Variants in UBE3D observed in about 807,000 individuals in gnomAD.
UBE3D encodes ubiquitin protein ligase E3D, also known as E3 ubiquitin-protein ligase E3D.
In UBE3D, 48 loss-of-function variants were observed where a neutral mutation model predicts 49.6. The ratio of observed to expected loss-of-function variants is 0.97; its 90% CI spans 0.77 to 1.23. UBE3D has a LOEUF of 1.23. Among genes scored for constraint, UBE3D ranks in the 50% most tolerant of loss-of-function variants. The pLI is 0.00. For synonymous variants in UBE3D, 189 were observed against 174.2 expected, an observed-to-expected ratio of 1.08 and a Z score of -0.67; for missense variants, 452 against 468.4, an observed-to-expected ratio of 0.96 and a Z score of 0.32.
intron 8 of UBE3D, among the ~76,000 whole-genome samples, chr6:83,006,477 C>T (rs1325428843): frequency 3.9e-5 from 6 of 152,116 alleles, no homozygotes; most frequent in Admixed American, 2.6e-4. Flanking sequence ...GGAAGAGACA[C>T]AGGAGATCTC....
intron 8 of UBE3D, among the ~76,000 whole-genome samples, chr6:82,974,609 GATGAGGAA>G (rs933636353): frequency 4.6e-5 from 7 of 151,764 alleles, no homozygotes; most frequent in Admixed American, 3.9e-4. Flanking sequence ...TTAATCCTCT[GATGAGGAA>G]ACTATGGATA....
intron 4 of UBE3D, among the ~76,000 whole-genome samples, chr6:83,039,726 C>A (rs569275077): frequency 6.6e-6 from 1 of 152,176 alleles, no homozygotes; most frequent in South Asian, 2.1e-4. Flanking sequence ...CTCACTGCAA[C>A]CTCCGCCTCC....
chr6:83,055,143 G>GAA (rs76691093), intron 2 of UBE3D, among the ~76,000 whole-genome samples: 2,676 of 152,078 alleles, frequency 0.018, 46 homozygotes, highest in Admixed American at 0.058. Context: ...AAGCTGTGGG[G>GAA]AAAAATGTAT....
At chr6:83,047,717 G>A (rs1041951508) in intron 3 of UBE3D, among the ~76,000 whole-genome samples, 3 of 151,980 alleles carry the variant, frequency 2.0e-5, no homozygotes, top group Admixed American at 1.3e-4. Flanking sequence ...TTTAATGCTC[G>A]CAACAACTTT....
chr6:82,918,171 T>C (rs1020407150), intron 9 of UBE3D, among the ~76,000 whole-genome samples: 9 of 151,994 alleles, frequency 5.9e-5, no homozygotes, highest in African/African-American at 2.2e-4. Flanking sequence ...ATCTTTTCAG[T>C]TTTTGGGAAT....
intron 8 of UBE3D, chr6:83,018,045 T>C (rs553145628): frequency 6.6e-6 from 1 of 152,312 alleles, no homozygotes; most frequent in African/African-American, 2.4e-5. Context: ...GAGCGGGATA[T>C]AATTTTACCT....
chr6:82,933,187 C>A (rs1189102047), intron 9 of UBE3D, among the ~76,000 whole-genome samples: 10 of 152,126 alleles, frequency 6.6e-5, no homozygotes, highest in African/African-American at 2.4e-4. Context: ...TGGTGATAAG[C>A]ACCTGAAAGA....
chr6:82,941,058 C>A (rs1774972978), intron 9 of UBE3D, among the ~76,000 whole-genome samples: 2 of 151,866 alleles, frequency 1.3e-5, no homozygotes, highest in Admixed American at 1.3e-4. Flanking sequence ...ATTAAAAACA[C>A]AAAAATTAGC....
intron 9 of UBE3D, among the ~76,000 whole-genome samples, chr6:82,935,924 A>AG (rs925780912): frequency 3.3e-5 from 5 of 152,128 alleles, no homozygotes; most frequent in African/African-American, 1.2e-4. Flanking sequence ...GTGAGATGCA[A>AG]GAAAAAAAAA....
the UBE3D span, among the ~76,000 whole-genome samples, chr6:82,881,935 A>G: frequency 6.6e-6 from 1 of 152,192 alleles, no homozygotes; most frequent in East Asian, 1.9e-4. Flanking sequence ...GGAAATGCCT[A>G]AAAATATCAG....
intron 9 of UBE3D, among the ~76,000 whole-genome samples, chr6:82,904,978 C>G (rs927184712): frequency 2.0e-5 from 3 of 152,120 alleles, no homozygotes; most frequent in Non-Finnish European, 4.4e-5. Flanking sequence ...TAGGGGGCGT[C>G]TAAAGGTTTG....
At chr6:83,024,073 A>G (rs746891343) in intron 5 of UBE3D, 35 bp from the exon 6 acceptor site, 4 of 1,189,526 alleles carry the variant, frequency 3.4e-6, no homozygotes, top group Admixed American at 2.6e-5. Context: ...ACTCTCCCCA[A>G]TACACTAATA....
At chr6:83,036,422 T>G (rs1444381593) in intron 5 of UBE3D, 1 of 152,154 alleles carries the variant, frequency 6.6e-6, no homozygotes, top group East Asian at 1.9e-4. Context: ...CTGAAGCTAT[T>G]ACATTTTTAA....
Position 83,022,577 on chromosome 6 carries a change from T to C in UBE3D, c.738-16A>G. On this transcript the variant is annotated splice_polypyrimidine_tract_variant and intron_variant, in intron 6 of 9. Coordinates refer to ENST00000369747, the MANE Select transcript of UBE3D (RefSeq NM_198920.3). Reference sequence around the variant, plus strand: ...AAACCAAGACCTGTTTGAACAGAAATCAATTTTTACAATGTGTATCTCATA... The same window carrying C: ...AAACCAAGACCTGTTTGAACAGAAACCAATTTTTACAATGTGTATCTCATA... 6.5e-7 allele frequency: 1 copy of C among 1,549,836 alleles called. No homozygotes were observed.
Position 82,912,274 on chromosome 6 carries a change from A to T in UBE3D, c.1150-19232T>A, listed in dbSNP as rs115719764. On this transcript the variant is annotated intron_variant, in intron 9 of 9. Coordinates refer to ENST00000369747, the MANE Select transcript of UBE3D (RefSeq NM_198920.3). Reference sequence around the variant, plus strand: ...CATTTTTACTCCTCTTAGTGTCATTAATGACCTTCGAGCTTAGTCAGTTAT... The same window carrying T: ...CATTTTTACTCCTCTTAGTGTCATTTATGACCTTCGAGCTTAGTCAGTTAT... Among the ~76,000 whole-genome samples the T allele has an allele frequency of 5.2e-3, 784 of 152,114 alleles. 5 individuals are homozygous for T. The highest frequency in any genetic ancestry group is 0.018 in the African/African-American group (741 of 41,488).
intron 8 of UBE3D, among the ~76,000 whole-genome samples, chr6:83,000,836 G>A (rs1248571460): frequency 6.7e-6 from 1 of 150,266 alleles, no homozygotes; most frequent in East Asian, 1.9e-4. Context: ...CAGCAGTCAA[G>A]CATCAATTCT....
chr6:82,904,627 A>G (rs1170630679), intron 9 of UBE3D, among the ~76,000 whole-genome samples: 2 of 152,208 alleles, frequency 1.3e-5, no homozygotes, highest in African/African-American at 4.8e-5. Flanking sequence ...TTATTATACT[A>G]AACCTAAGTG....
chr6:82,968,307 TC>T (rs1777095850), intron 8 of UBE3D, among the ~76,000 whole-genome samples: 1 of 151,462 alleles, frequency 6.6e-6, no homozygotes. Flanking sequence ...CCCTCACCTC[TC>T]CCTATTTCCC....
chr6:82,985,845 A>G (rs1486346793), intron 8 of UBE3D, among the ~76,000 whole-genome samples: 1 of 152,176 alleles, frequency 6.6e-6, no homozygotes, highest in Non-Finnish European at 1.5e-5. Context: ...ATATGAAATC[A>G]GGTCTATTTC....
Sources: allele counts gnomAD v4.1 joint callset (sites outside exome capture counted in the v4.1 genomes callset), GRCh38; gene constraint gnomAD v4.1.1; transcripts MANE v1.5; gene names NCBI Gene and HGNC (gene_info 2026-07-23, HGNC 2026-07-21).